The following TTLL4 variants were observed in gnomAD, a reference collection of about 807,000 sequenced individuals.
The protein encoded by TTLL4 is tubulin tyrosine ligase like 4.
Under a neutral mutation model 122.7 loss-of-function variants are expected in TTLL4, and 85 were observed. That is an observed-to-expected ratio of 0.69 (90% CI 0.58 to 0.83). The LOEUF (loss-of-function observed/expected upper bound fraction) is 0.83, where lower values mean the gene tolerates loss of function less well. TTLL4 is among the 40% of genes least tolerant of loss of function. The probability of loss-of-function intolerance (pLI) is 0.00; values close to 1 mark genes in which losing one functional copy is unlikely to be tolerated. For missense variants in TTLL4, 1,363 were observed against 1,488.6 expected, an observed-to-expected ratio of 0.92 and a Z score of 1.39; for synonymous variants, 553 against 563.0, an observed-to-expected ratio of 0.98 and a Z score of 0.25.
At chr2:218,734,141 A>G (rs1942452916) in intron 2 of TTLL4, among the ~76,000 whole-genome samples, 1 of 152,186 alleles carries the variant, frequency 6.6e-6, no homozygotes, top group Admixed American at 6.5e-5. Flanking sequence ...ACTGCTACTT[A>G]TTGGTTATTT....
intron 8 of TTLL4, chr2:218,746,735 T>C: frequency 2.0e-6 from 1 of 497,336 alleles, no homozygotes; most frequent in South Asian, 2.6e-5. Context: ...CCCATAGGGT[T>C]TCATGGATAA....
intron 1 of TTLL4, among the ~76,000 whole-genome samples, chr2:218,720,186 A>G (rs1441582267): frequency 6.6e-6 from 1 of 152,180 alleles, no homozygotes; most frequent in Non-Finnish European, 1.5e-5. Flanking sequence ...TGATGCAGAC[A>G]TGAAACTTGA....
chr2:218,751,971 G>T (rs895968286), intron 16 of TTLL4, among the ~76,000 whole-genome samples, 165 bp downstream of exon 16: 1 of 144,156 alleles, frequency 6.9e-6, no homozygotes, highest in Non-Finnish European at 1.5e-5. Context: ...GCAATGGTGC[G>T]ATCTCAGCTC....
intron 2 of TTLL4, among the ~76,000 whole-genome samples, chr2:218,732,036 T>C (rs1439402773): frequency 3.9e-5 from 6 of 152,232 alleles, no homozygotes; most frequent in African/African-American, 9.6e-5. Context: ...AAATATCATT[T>C]TTCAGGTGAG....
chr2:218,754,278 C>G lies in TTLL4; in HGVS notation c.3489C>G (p.Ser1163Arg). 1 of 1,614,180 alleles carries G rather than the reference C, an allele frequency of 6.2e-7. No individual in the cohort carries two copies. The highest frequency in any genetic ancestry group is 8.5e-7 in the Non-Finnish European group (1 of 1,180,040). Residue 1163 changes from serine to arginine, a missense_variant, in exon 20 of 20, where the codon AGC becomes AGG. Physicochemically the swap from Ser to Arg is moderately radical, Grantham distance 110 (BLOSUM62 -1). Transcript: ENST00000392102. ...KDSEDTSKEPSLSTQTLPVIK... is the reference protein window; with the variant it reads ...KDSEDTSKEPRLSTQTLPVIK... ...GTGAGGACACCAGCAAAGAGCCCAG[C>G]CTTTCTACCCAGACGTTACCTGTGA...
At chr2:218,748,750 C>A in intron 12 of TTLL4, 86 bp from the exon 13 acceptor site, 1 of 1,162,456 alleles carries the variant, frequency 8.6e-7, no homozygotes. Context: ...GAAGAAAATA[C>A]CATTAGGTCT....
At chr2:218,735,251 A>AT (rs1559364681) in intron 2 of TTLL4, among the ~76,000 whole-genome samples, 1 of 152,078 alleles carries the variant, frequency 6.6e-6, no homozygotes, top group Non-Finnish European at 1.5e-5. Flanking sequence ...TTTTAAATAT[A>AT]ACTTAAGCGA....
chr2:218,751,831 T>A (rs766112738), intron 16 of TTLL4, 25 bp downstream of exon 16: 1 of 1,587,588 alleles, frequency 6.3e-7, no homozygotes, highest in Non-Finnish European at 8.6e-7. Flanking sequence ...TTCCCCCCAG[T>A]GCTAGCAGAA....
chr2:218,743,843 C>A (rs1275195993), intron 5 of TTLL4, among the ~76,000 whole-genome samples: 1 of 152,138 alleles, frequency 6.6e-6, no homozygotes, highest in Non-Finnish European at 1.5e-5. Flanking sequence ...CCATGCCTGG[C>A]TAATTTTGTA....
At chr2:218,719,451 A>G (rs1941968617) in intron 1 of TTLL4, among the ~76,000 whole-genome samples, 1 of 152,156 alleles carries the variant, frequency 6.6e-6, no homozygotes, top group Non-Finnish European at 1.5e-5. Context: ...ACAAGGAAGA[A>G]GCTTAGTGGA....
rs922460782 is a variant in TTLL4 at position 218,747,828 on chromosome 2, G to A, written c.2378+103G>A. 3.3e-6 allele frequency: 5 copies of A among 1,512,610 alleles called. No homozygotes were observed. Among genetic ancestry groups the A allele is most frequent in the Non-Finnish European group, 4.5e-6 (5 of 1,116,762 alleles). The allele number at this position is 1,512,610 out of a possible 1,614,324, so 93.7% of individuals were successfully genotyped here. On this transcript the variant is annotated intron_variant, in intron 11 of 19. Coordinates refer to ENST00000392102, the MANE Select transcript of TTLL4 (RefSeq NM_014640.5). The surrounding 1 kb of genome is among the most constrained non-coding windows in gnomAD (Gnocchi z 4.7). ...CCAAACAGAAAAATAGTTTTTGTTA[G>A]CAAGGGGAAAGGCAGGAAATGGGAA... is the stretch of plus-strand genomic sequence containing the variant.
At chr2:218,718,620 T>G (rs551627239) in intron 1 of TTLL4, among the ~76,000 whole-genome samples, 1 of 152,238 alleles carries the variant, frequency 6.6e-6, no homozygotes, top group Admixed American at 6.5e-5. Context: ...TCAGGTGATC[T>G]GCCCACCTCG....
chr2:218,750,302 A>G (rs1575183327), intron 15 of TTLL4, among the ~76,000 whole-genome samples, 156 bp downstream of exon 15: 1 of 152,142 alleles, frequency 6.6e-6, no homozygotes, highest in African/African-American at 2.4e-5. Context: ...ATGCCACATC[A>G]GTGACTCTCA....
rs771840867 is a variant in TTLL4 at position 218,738,751 on chromosome 2, G to C, written c.1075G>C (p.Glu359Gln). The change falls in exon 3 of 20, where the codon GAA (glutamate) becomes CAA (glutamine). Residue 359 changes from glutamate (E) to glutamine (Q), a missense_variant. By Grantham distance (29) the Glu-to-Gln change is conservative. Transcript: ENST00000392102. ...GATGCCGAGGCAAGGCTGCCAGCTT[G>C]AACAGTCTAGTTTCCTGAACCCCAG... ...EKMPRQGCQL[E>Q]QSSFLNPSFQ... is the part of the protein sequence containing the mutation. The C allele has an allele frequency of 6.2e-7, 1 of 1,614,210 alleles. No individual in the cohort carries two copies. Among genetic ancestry groups the C allele is most frequent in the Non-Finnish European group, 8.5e-7 (1 of 1,180,036 alleles).
Position 218,739,173 on chromosome 2 carries a change from C to T in TTLL4, c.1487+10C>T, listed in dbSNP as rs778303504. ...CTGATAGGGATATTAGGTATGTTGG[C>T]AATGTTTTTGGTTCATTTAGAGCAG... On this transcript the variant is annotated intron_variant, in intron 3 of 19. Transcript: ENST00000392102. 18 of 1,603,970 alleles carry T rather than the reference C, an allele frequency of 1.1e-5. No homozygotes were observed. The highest frequency in any genetic ancestry group is 4.4e-5 in the South Asian group (4 of 90,496).
chr2:218,736,884 C>G (rs1438725040), intron 2 of TTLL4, among the ~76,000 whole-genome samples: 1 of 145,948 alleles, frequency 6.9e-6, no homozygotes. Context: ...GGGTCTCACT[C>G]TGTTGCCCAT....
At chr2:218,759,115 A>T (rs1368756400), downstream of TTLL4, among the ~76,000 whole-genome samples, 1 of 152,100 alleles carries the variant, frequency 6.6e-6, no homozygotes, top group Non-Finnish European at 1.5e-5. Context: ...ATGGTGGTGC[A>T]TGCCTGTAAT....
rs577207201 is a variant in TTLL4 at position 218,743,832 on chromosome 2, A to G, written c.1662-1277A>G. On this transcript the variant is annotated intron_variant, in intron 5 of 19. Transcript: ENST00000392102. ...GTAGCTGGGACTACAGGCATGCGCC[A>G]CCATGCCTGGCTAATTTTGTATTTT... Among the ~76,000 whole-genome samples, 5 of 152,232 alleles carry G rather than the reference A, an allele frequency of 3.3e-5. No individual in the cohort carries two copies. The South Asian group carries it at 6.2e-4, about 19-fold the overall frequency.
chr2:218,714,498 T>C (rs1235294813), intron 1 of TTLL4, among the ~76,000 whole-genome samples: 1 of 152,200 alleles, frequency 6.6e-6, no homozygotes, highest in African/African-American at 2.4e-5. Context: ...AGAAAAGCTT[T>C]TCCTTTAATG....
Sources: allele counts gnomAD v4.1 joint callset (sites outside exome capture counted in the v4.1 genomes callset), GRCh38; gene constraint gnomAD v4.1.1; non-coding constraint Gnocchi (gnomAD v3.1); transcripts MANE v1.5; gene names NCBI Gene and HGNC (gene_info 2026-07-23, HGNC 2026-07-21).